Variants in LINGO2 observed in about 807,000 individuals in gnomAD.
LINGO2 encodes the protein leucine-rich repeat and immunoglobulin-like domain-containing nogo receptor-interacting protein 2.
A neutral mutation model predicts 30.6 loss-of-function variants in LINGO2; 14 were observed. The ratio of observed to expected loss-of-function variants is 0.46; its 90% CI spans 0.30 to 0.72. The LOEUF (loss-of-function observed/expected upper bound fraction) is 0.72, where lower values mean the gene tolerates loss of function less well. LINGO2 is among the 30% of genes least tolerant of loss of function. The pLI, the probability that LINGO2 is intolerant of heterozygous loss-of-function variation, is 0.07. For missense variants in LINGO2, 729 were observed against 751.7 expected (o/e 0.97, Z 0.35); for synonymous variants, 317 against 288.5 (o/e 1.10, Z -1.00).
intron 2 of LINGO2, among the ~76,000 whole-genome samples, chr9:28,412,068 G>A (rs962062036): frequency 1.3e-5 from 2 of 150,766 alleles, no homozygotes; most frequent in Non-Finnish European, 2.9e-5. Context: ...TACCCAACAA[G>A]TAGTTTTTCA....
intron 1 of LINGO2, among the ~76,000 whole-genome samples, chr9:28,571,936 G>A (rs1257718130): frequency 1.3e-5 from 2 of 151,866 alleles, no homozygotes; most frequent in Non-Finnish European, 2.9e-5. Flanking sequence ...TTTTTGCTTT[G>A]GGCAGGAAAC....
chr9:28,280,350 A>G (rs13292709), intron 4 of LINGO2, among the ~76,000 whole-genome samples: 25,477 of 152,132 alleles, frequency 0.17, 2,847 homozygotes, highest in Non-Finnish European at 0.24. Flanking sequence ...ATTGCTTTAA[A>G]AATTATAACA....
chr9:28,495,145 A>T (rs10757749), intron 1 of LINGO2, among the ~76,000 whole-genome samples: 23,709 of 151,492 alleles, frequency 0.16, 2,027 homozygotes, highest in East Asian at 0.21. Context: ...AGATTGCAAA[A>T]TTTTTTTCCC....
the LINGO2 span, among the ~76,000 whole-genome samples, chr9:28,959,443 A>C: frequency 4.0e-5 from 6 of 151,896 alleles, no homozygotes; most frequent in Non-Finnish European, 8.8e-5. Context: ...AGAGGAGTAA[A>C]TTAAAGGAAG....
the LINGO2 span, among the ~76,000 whole-genome samples, chr9:28,965,250 T>C: frequency 1.3e-5 from 2 of 151,982 alleles, no homozygotes; most frequent in Non-Finnish European, 2.9e-5. Flanking sequence ...GTGAACTATT[T>C]ACATAAAAGC....
At chr9:29,033,398 ATC>A in the LINGO2 span, among the ~76,000 whole-genome samples, 1 of 149,764 alleles carries the variant, frequency 6.7e-6, no homozygotes, top group Non-Finnish European at 1.5e-5. Flanking sequence ...ATATATATAT[ATC>A]TCTTCTATAT....
chr9:28,617,122 T>C (rs903395018), intron 1 of LINGO2, among the ~76,000 whole-genome samples: 1 of 152,078 alleles, frequency 6.6e-6, no homozygotes, highest in African/African-American at 2.4e-5. Flanking sequence ...TTATGAAAAA[T>C]GGAGTTATAG....
rs1447074326 is a variant in LINGO2 at position 27,984,047 on chromosome 9, T to C, written c.-36+28308A>G. Among the ~76,000 whole-genome samples, 4 of 151,940 alleles carry C rather than the reference T, an allele frequency of 2.6e-5. No homozygotes were observed. The East Asian group carries it at 7.8e-4, about 30-fold the overall frequency. ...CAAGGGCTGTGGAGTTTTCATGGGT[T>C]GAGAAAGGCAGCTTATACTGTGTGG... On this transcript the variant is annotated intron_variant, in intron 5 of 5. Transcript: ENST00000379992.
intron 5 of LINGO2, among the ~76,000 whole-genome samples, chr9:27,995,429 T>TA (rs1188214874): frequency 2.6e-5 from 4 of 152,072 alleles, no homozygotes; most frequent in African/African-American, 7.2e-5. Context: ...AGACGAACAA[T>TA]AAAAAACGCT....
chr9:28,056,334 C>A (rs1184575193), intron 4 of LINGO2, among the ~76,000 whole-genome samples: 1 of 152,152 alleles, frequency 6.6e-6, no homozygotes, highest in Non-Finnish European at 1.5e-5. Flanking sequence ...TTATGAGAAA[C>A]AGTTTGCTGT....
At position 28,129,316 on chromosome 9, in the gene LINGO2, CCTGA is replaced by C. The variant is rs909092424; in HGVS notation, c.-86-116915_-86-116912del. Among the ~76,000 whole-genome samples the C allele has an allele frequency of 3.9e-5, 6 of 152,138 alleles. No homozygotes were observed. The highest frequency in any genetic ancestry group is 9.7e-5 in the African/African-American group (4 of 41,420). On this transcript the variant is annotated intron_variant, in intron 4 of 5. Transcript: ENST00000379992. This position sits in a 1 kb window ranked among gnomAD's most constrained non-coding sequence, Gnocchi z 4.0. ...TATTAGTTGTATCCCTCTGGAGAACCCTGACTAATACACCCATGTTTGGTTCTTG... is the reference window on the plus strand; with the variant it reads ...TATTAGTTGTATCCCTCTGGAGAACCCTAATACACCCATGTTTGGTTCTTG...
At chr9:28,347,163 T>C (rs1380224442) in intron 3 of LINGO2, among the ~76,000 whole-genome samples, 2 of 152,114 alleles carry the variant, frequency 1.3e-5, no homozygotes, top group African/African-American at 2.4e-5. Context: ...TTTAAAAGAA[T>C]AAAAATAGAA....
chr9:29,157,250 A>C, the LINGO2 span, among the ~76,000 whole-genome samples: 1 of 152,152 alleles, frequency 6.6e-6, no homozygotes. Context: ...AGAAAGACTC[A>C]TAAATAAATA....
the LINGO2 span, among the ~76,000 whole-genome samples, chr9:29,131,886 G>A: frequency 1.3e-5 from 2 of 151,128 alleles, no homozygotes; most frequent in Non-Finnish European, 2.9e-5. Flanking sequence ...ATTTTCCCTT[G>A]GGAAGACTGT....
chr9:28,055,268 T>C (rs757875632), intron 4 of LINGO2, among the ~76,000 whole-genome samples: 5 of 152,192 alleles, frequency 3.3e-5, no homozygotes, highest in Non-Finnish European at 5.9e-5. Flanking sequence ...GATTTCCTTT[T>C]CCCTGTAGTT....
intron 1 of LINGO2, among the ~76,000 whole-genome samples, chr9:28,618,395 C>T (rs925635945): frequency 1.3e-5 from 2 of 152,096 alleles, no homozygotes; most frequent in African/African-American, 4.8e-5. Context: ...CATTGCTATC[C>T]ACACACAAAC....
chr9:28,484,176 A>G (rs912122129), intron 1 of LINGO2, among the ~76,000 whole-genome samples: 1 of 152,050 alleles, frequency 6.6e-6, no homozygotes, highest in African/African-American at 2.4e-5. Flanking sequence ...AATGACTCAC[A>G]TAATTACACA....
the LINGO2 span, among the ~76,000 whole-genome samples, chr9:29,078,051 T>C: frequency 6.6e-6 from 1 of 152,020 alleles, no homozygotes; most frequent in Non-Finnish European, 1.5e-5. Context: ...AAAACTCCTT[T>C]AGTCTTTCTT....
At chr9:27,997,877 A>C (rs1821746081) in intron 5 of LINGO2, among the ~76,000 whole-genome samples, 1 of 124,898 alleles carries the variant, frequency 8.0e-6, no homozygotes, top group Non-Finnish European at 1.6e-5. Flanking sequence ...AGCAGGTGTT[A>C]TCCGTTTCAA....
Sources: gnomAD v4.1 joint callset for allele counts (sites outside exome capture counted in the v4.1 genomes callset) on GRCh38, gnomAD v4.1.1 for gene constraint, Gnocchi (gnomAD v3.1) non-coding constraint, MANE v1.5 for transcripts, NCBI Gene and HGNC (gene_info 2026-07-23, HGNC 2026-07-21) for gene names.